The following SPMAP2L variants were observed in gnomAD, a reference collection of about 807,000 sequenced individuals.
SPMAP2L encodes sperm microtubule associated protein 2-like.
chr4:56,543,164 A>G, the SPMAP2L span, among the ~76,000 whole-genome samples: 1 of 151,772 alleles, frequency 6.6e-6, no homozygotes, highest in African/African-American at 2.4e-5. Context: ...GCTCACTGAA[A>G]GCTCCGCCTC....
the SPMAP2L span, chr4:56,594,584 G>T: frequency 6.3e-7 from 1 of 1,590,350 alleles, no homozygotes; most frequent in Non-Finnish European, 8.6e-7. Context: ...GCACAGAACG[G>T]TTTGCCTCAT....
chr4:56,613,518 T>C, the SPMAP2L span, among the ~76,000 whole-genome samples: 1 of 152,194 alleles, frequency 6.6e-6, no homozygotes, highest in Non-Finnish European at 1.5e-5. Flanking sequence ...CAAGGATGGC[T>C]GCGACTCAGG....
At chr4:56,552,739 A>T in the SPMAP2L span, 1 of 637,400 alleles carries the variant, frequency 1.6e-6, no homozygotes, top group Non-Finnish European at 2.8e-6. Flanking sequence ...ACCTCATTGT[A>T]GTCAGCATGT....
At chr4:56,551,668 G>A in the SPMAP2L span, among the ~76,000 whole-genome samples, 1 of 152,150 alleles carries the variant, frequency 6.6e-6, no homozygotes, top group Non-Finnish European at 1.5e-5. Flanking sequence ...CTCCAACCAA[G>A]GCCATACACA....
the SPMAP2L span, among the ~76,000 whole-genome samples, chr4:56,566,671 A>AAGAT: frequency 6.7e-6 from 1 of 149,922 alleles, no homozygotes; most frequent in Non-Finnish European, 1.5e-5. Context: ...TGTATGATGT[A>AAGAT]AGATTCTTTT....
At chr4:56,584,166 C>A in the SPMAP2L span, among the ~76,000 whole-genome samples, 4 of 152,016 alleles carry the variant, frequency 2.6e-5, no homozygotes, top group African/African-American at 9.7e-5. Flanking sequence ...AGGATCTCAC[C>A]ATGTTTGCCT....
At chr4:56,544,579 C>T in the SPMAP2L span, among the ~76,000 whole-genome samples, 1 of 152,132 alleles carries the variant, frequency 6.6e-6, no homozygotes. Context: ...AATTATGTTG[C>T]TCCTTGTATA....
At chr4:56,543,582 C>G in the SPMAP2L span, among the ~76,000 whole-genome samples, 9 of 152,044 alleles carry the variant, frequency 5.9e-5, no homozygotes, top group East Asian at 7.8e-4. Context: ...GTCCCAGCTA[C>G]TTGGCAGGCT....
At chr4:56,600,359 T>G in the SPMAP2L span, among the ~76,000 whole-genome samples, 23 of 152,202 alleles carry the variant, frequency 1.5e-4, no homozygotes, top group Admixed American at 1.2e-3. Flanking sequence ...TGTAGTGTGA[T>G]CTTGGCTCAC....
the SPMAP2L span, among the ~76,000 whole-genome samples, chr4:56,576,568 C>T: frequency 6.6e-6 from 1 of 152,160 alleles, no homozygotes; most frequent in Non-Finnish European, 1.5e-5. Flanking sequence ...CAAGCCCAGG[C>T]TGGAACTGTG....
At chr4:56,551,920 A>G in the SPMAP2L span, among the ~76,000 whole-genome samples, 2 of 152,214 alleles carry the variant, frequency 1.3e-5, no homozygotes. Flanking sequence ...GAAGAGACGC[A>G]CTAGCTCTTA....
chr4:56,588,709 G>A, the SPMAP2L span, among the ~76,000 whole-genome samples: 3 of 152,166 alleles, frequency 2.0e-5, no homozygotes, highest in Non-Finnish European at 2.9e-5. Context: ...GGGATTACAG[G>A]CGTTAGCCAC....
At chr4:56,587,217 C>T in the SPMAP2L span, among the ~76,000 whole-genome samples, 1 of 152,126 alleles carries the variant, frequency 6.6e-6, no homozygotes, top group African/African-American at 2.4e-5. Context: ...TCAACTTACT[C>T]ATTTTACAGT....
At chr4:56,620,970 A>G in the SPMAP2L span, among the ~76,000 whole-genome samples, 2 of 152,154 alleles carry the variant, frequency 1.3e-5, no homozygotes, top group African/African-American at 4.8e-5. Context: ...TGAGGTTAGT[A>G]TTTATTAGAT....
chr4:56,608,510 C>A, the SPMAP2L span, among the ~76,000 whole-genome samples: 1 of 152,152 alleles, frequency 6.6e-6, no homozygotes, highest in African/African-American at 2.4e-5. Flanking sequence ...GAGTGCCAGG[C>A]CCTTGAGGAC....
At chr4:56,616,700 A>G in the SPMAP2L span, among the ~76,000 whole-genome samples, 83 of 152,336 alleles carry the variant, frequency 5.4e-4, no homozygotes, top group South Asian at 9.7e-3. Context: ...CTTTTCACAC[A>G]AGAAGCACAC....
At chr4:56,584,079 G>T in the SPMAP2L span, among the ~76,000 whole-genome samples, 1 of 151,764 alleles carries the variant, frequency 6.6e-6, no homozygotes, top group South Asian at 2.1e-4. Context: ...TGATCCTCCC[G>T]CCTCAGCCTT....
chr4:56,555,023 G>A, the SPMAP2L span, among the ~76,000 whole-genome samples: 1 of 146,538 alleles, frequency 6.8e-6, no homozygotes, highest in Non-Finnish European at 1.5e-5. Context: ...CACTGTGACT[G>A]CAACCTCCCA....
chr4:56,623,698 G>T, the SPMAP2L span, among the ~76,000 whole-genome samples: 1 of 151,980 alleles, frequency 6.6e-6, no homozygotes, highest in African/African-American at 2.4e-5. Context: ...GTTTATTGGG[G>T]GTCTCCACTT....
Sources: allele counts gnomAD v4.1 joint callset (sites outside exome capture counted in the v4.1 genomes callset), GRCh38; gene constraint gnomAD v4.1.1; transcripts MANE v1.5; gene names NCBI Gene and HGNC (gene_info 2026-07-23, HGNC 2026-07-21).